The following PASD1 variants were observed in gnomAD, a reference collection of about 807,000 sequenced individuals.
PASD1 encodes PAS domain containing repressor 1.
In PASD1, 13 loss-of-function variants were observed where a neutral mutation model predicts 58.8. The ratio of observed to expected loss-of-function variants is 0.22; its 90% CI spans 0.14 to 0.35. The LOEUF is 0.35. PASD1 is among the 10% of genes least tolerant of loss of function. The pLI, the probability that PASD1 is intolerant of heterozygous loss-of-function variation, is 1.00. For missense variants in PASD1, 734 were observed against 568.3 expected (o/e 1.29, Z -2.96); for synonymous variants, 236 against 216.7 (o/e 1.09, Z -0.78).
intron 14 of PASD1, chrX:151,673,663 A>G (rs2014506417): frequency 7.4e-6 from 3 of 406,263 alleles, no homozygotes; most frequent in East Asian, 4.0e-5. Context: ...CACAGAGAGC[A>G]TAGTTGTAGC....
At chrX:151,615,192 T>G (rs1452954459) in intron 4 of PASD1, among the ~76,000 whole-genome samples, 3 of 110,032 alleles carry the variant, frequency 2.7e-5, no homozygotes, top group Non-Finnish European at 5.7e-5. Context: ...TATGTGAAGA[T>G]TTATCATAGT....
At chrX:151,669,409 C>A (rs1390802080) in intron 11 of PASD1, among the ~76,000 whole-genome samples, 2 of 110,329 alleles carry the variant, frequency 1.8e-5, no homozygotes, top group Non-Finnish European at 3.8e-5. Flanking sequence ...GTGTTGGGAG[C>A]ATTACAATTC....
At chrX:151,656,134 T>C (rs1432817654) in intron 9 of PASD1, among the ~76,000 whole-genome samples, 5 of 111,928 alleles carry the variant, frequency 4.5e-5, no homozygotes, top group Admixed American at 2.8e-4. Flanking sequence ...TGTCTTGTTT[T>C]TGTCAGGTTT....
intron 6 of PASD1, 116 bp from the exon 7 acceptor site, chrX:151,622,821 C>T (rs992951300): frequency 3.7e-6 from 3 of 811,562 alleles, no homozygotes; most frequent in East Asian, 7.1e-5. Context: ...TCCCATGGCT[C>T]AGAATTTTGA....
chrX:151,671,500 G>T, intron 12 of PASD1, 73 bp from the exon 13 acceptor site: 2 of 1,120,673 alleles, frequency 1.8e-6, no homozygotes, highest in South Asian at 3.8e-5. Context: ...CCTGCTCCAT[G>T]CCCAGCTTGT....
At chrX:151,673,810 C>A in intron 14 of PASD1, 118 bp from the exon 15 acceptor site, 1 of 858,862 alleles carries the variant, frequency 1.2e-6, no homozygotes, top group Admixed American at 2.6e-5. Flanking sequence ...ACAAGTGAAT[C>A]CTGTGGTGTA....
chrX:151,658,983 A>G (rs1602960170), intron 9 of PASD1, among the ~76,000 whole-genome samples: 1 of 111,979 alleles, frequency 8.9e-6, no homozygotes, highest in Non-Finnish European at 1.9e-5. Context: ...CAGGCTTAGG[A>G]AAAAGAGCAT....
chrX:151,668,360 T>G (rs2014412772), intron 11 of PASD1, among the ~76,000 whole-genome samples: 1 of 111,628 alleles, frequency 9.0e-6, no homozygotes, highest in Non-Finnish European at 1.9e-5. Context: ...TGAAGCCCAC[T>G]TGATCATAGT....
At chrX:151,622,617 A>ACACACACACACT (rs1303122421) in intron 6 of PASD1, among the ~76,000 whole-genome samples, 1 of 104,906 alleles carries the variant, frequency 9.5e-6, no homozygotes, top group African/African-American at 3.5e-5. Context: ...ACACACACAC[A>ACACACACACACT]CTCCCACACA....
chrX:151,664,477 A>G (rs1038793306), intron 11 of PASD1, 129 bp downstream of exon 11: 18 of 1,054,935 alleles, frequency 1.7e-5, no homozygotes, highest in South Asian at 4.6e-5. Flanking sequence ...TCAAAACTAT[A>G]TCACTATTTC....
chrX:151,663,339 A>G (rs1003190339), intron 10 of PASD1, among the ~76,000 whole-genome samples: 2 of 112,102 alleles, frequency 1.8e-5, no homozygotes, highest in Non-Finnish European at 3.8e-5. Context: ...TTCACTTAGC[A>G]AAATGCATTT....
intron 1 of PASD1, among the ~76,000 whole-genome samples, chrX:151,600,180 G>A (rs2124250964): frequency 9.0e-6 from 1 of 111,240 alleles, no homozygotes; most frequent in African/African-American, 3.3e-5. Flanking sequence ...AGGAGAATCA[G>A]TCAGGGAGGT....
rs1388727544 is a variant in PASD1, at chrX:151,674,031, A to G, written c.2020A>G (p.Ile674Val). The G allele has an allele frequency of 2.5e-6, 3 of 1,211,556 alleles. No individual in the cohort carries two copies. Among genetic ancestry groups the G allele is most frequent in the Non-Finnish European group, 2.2e-6 (2 of 895,285 alleles). The change falls in exon 15 of 16, where the codon ATA (isoleucine) becomes GTA (valine). Residue 674 changes from isoleucine to valine, a missense_variant. By Grantham distance (29) the Ile-to-Val change is conservative. Coordinates refer to ENST00000370357, the MANE Select transcript of PASD1 (RefSeq NM_173493.3). Reference protein sequence around the residue: ...ISSSSIPQFPITSDSTISTLE... With the variant: ...ISSSSIPQFPVTSDSTISTLE... Reference sequence around the variant, plus strand: ...TTCTTCCAGCATTCCTCAGTTTCCCATAACTTCAGACTCAACCATAAGCAC... The same window carrying G: ...TTCTTCCAGCATTCCTCAGTTTCCCGTAACTTCAGACTCAACCATAAGCAC...
intron 1 of PASD1, chrX:151,578,177 A>T (rs970019132): frequency 8.9e-6 from 1 of 112,244 alleles, no homozygotes; most frequent in African/African-American, 3.2e-5. Flanking sequence ...AAGTGCTGAG[A>T]TGTCTTGTGT....
At chrX:151,615,531 T>G in intron 4 of PASD1, among the ~76,000 whole-genome samples, 1 of 112,429 alleles carries the variant, frequency 8.9e-6, no homozygotes, top group Admixed American at 9.5e-5. Flanking sequence ...ACTTCCTCAT[T>G]GAATCCCAAC....
rs2014462386 is a variant in PASD1, at chrX:151,671,136, G to A, written c.1170G>A (p.Leu390=). The A allele has an allele frequency of 1.7e-6, 2 of 1,211,918 alleles. No homozygotes were observed. Among genetic ancestry groups the A allele is most frequent in the Non-Finnish European group, 1.1e-6 (1 of 895,531 alleles). ...AGCAGCTAGAAGAGAGGACTTGGTT[G>A]CTGCATGATGCCATCCAAAACCAGC... ...LKEQLEERTW[L]LHDAIQNQQN... The change falls in exon 12 of 16, where the codon TTG becomes TTA. Residue 390 remains leucine (L), a synonymous_variant. Coordinates refer to ENST00000370357, the MANE Select transcript of PASD1 (RefSeq NM_173493.3).
chrX:151,654,634 A>G (rs1011955209), intron 9 of PASD1, among the ~76,000 whole-genome samples: 1 of 112,201 alleles, frequency 8.9e-6, no homozygotes, highest in African/African-American at 3.2e-5. Flanking sequence ...GATAGATTAC[A>G]TAGGTTGACA....
intron 1 of PASD1, among the ~76,000 whole-genome samples, chrX:151,593,402 C>A (rs1337952533): frequency 2.9e-5 from 3 of 102,089 alleles, no homozygotes; most frequent in Non-Finnish European, 6.0e-5. Context: ...CCCAACCCCC[C>A]ACCCCTGACA....
At chrX:151,672,157 C>A (rs2014480236) in intron 13 of PASD1, 26 bp from the exon 14 acceptor site, 1 of 1,136,280 alleles carries the variant, frequency 8.8e-7, no homozygotes, top group Non-Finnish European at 1.2e-6. Flanking sequence ...CACCAGGGTG[C>A]TTTTATCTGT....
Sources: gnomAD v4.1 joint callset for allele counts (sites outside exome capture counted in the v4.1 genomes callset) on GRCh38, gnomAD v4.1.1 for gene constraint, MANE v1.5 for transcripts, NCBI Gene and HGNC (gene_info 2026-07-23, HGNC 2026-07-21) for gene names.